The following SLC43A2 variants were observed in gnomAD, a reference collection of about 807,000 sequenced individuals.
SLC43A2 encodes large neutral amino acids transporter small subunit 4.
A neutral mutation model predicts 63.2 loss-of-function variants in SLC43A2; 38 were observed. The observed-to-expected ratio is 0.60, with a 90% CI of 0.46 to 0.79. The LOEUF is 0.79. Ranked by LOEUF, SLC43A2 falls within the 30% of genes least tolerant of loss-of-function variation. The pLI, the probability that SLC43A2 is intolerant of heterozygous loss-of-function variation, is 0.00. For missense variants in SLC43A2, 644 were observed against 756.2 expected, an observed-to-expected ratio of 0.85 and a Z score of 1.74; for synonymous variants, 322 against 331.0, an observed-to-expected ratio of 0.97 and a Z score of 0.30.
At position 1,627,840 on chromosome 17, in the gene SLC43A2, C is replaced by T. The variant is rs535314897; in HGVS notation, c.35G>A (p.Arg12His). ...CACGGCCGTGCAGGCCATCCACCAG[C>T]GGCGCCGATGGGCAGTGGCCAGGGT... ...APTLATAHRRRWWMACTAVLE... is the reference protein window; with the variant it reads ...APTLATAHRRHWWMACTAVLE... The change falls in exon 2 of 14, where the codon CGC (arginine) becomes CAC (histidine). Residue 12 changes from arginine to histidine, a missense_variant. Physicochemically the swap from Arg to His is conservative, Grantham distance 29. Coordinates refer to ENST00000301335, the MANE Select transcript of SLC43A2 (RefSeq NM_152346.3). 2 of 1,588,032 alleles carry T rather than the reference C, an allele frequency of 1.3e-6. No homozygotes were observed. The highest frequency in any genetic ancestry group is 1.1e-5 in the South Asian group (1 of 87,592).
At chr17:1,624,959 C>G (rs1048432643) in intron 2 of SLC43A2, among the ~76,000 whole-genome samples, 7 of 152,086 alleles carry the variant, frequency 4.6e-5, no homozygotes, top group Admixed American at 3.3e-4. Context: ...CCTGTTGAAG[C>G]GGGGGCCACT....
chr17:1,576,643 G>C lies in SLC43A2; in HGVS notation c.1502C>G (p.Pro501Arg), dbSNP rs1373882267. The C allele has an allele frequency of 3.7e-6, 6 of 1,610,740 alleles. No individual in the cohort carries two copies. The highest frequency in any genetic ancestry group is 4.2e-6 in the Non-Finnish European group (5 of 1,179,960). ...AGGACCCATCATGGCCAGAAACAGC[G>C]GCTGCTGCAGAAGGGCGAAGAGCGC... is the stretch of plus-strand genomic sequence containing the variant. ...ISALFALLQQ[P>R]LFLAMMGPLQ... The change falls in exon 13 of 14, where the codon CCG (proline) becomes CGG (arginine). Residue 501 changes from proline to arginine, a missense_variant. Pro to Arg is a moderately radical substitution (Grantham distance 103, BLOSUM62 -2). Around this residue, in one of 3 missense-constraint regions of SLC43A2, gnomAD observed 105 missense variants for 101.7 expected, o/e 1.03. Transcript: ENST00000301335.
chr17:1,609,904 A>G (rs1906943646), intron 5 of SLC43A2, among the ~76,000 whole-genome samples: 1 of 151,850 alleles, frequency 6.6e-6, no homozygotes, highest in Admixed American at 6.6e-5. Flanking sequence ...TGATGAAGAC[A>G]GGCTGATAGA....
intron 2 of SLC43A2, 113 bp downstream of exon 2, chr17:1,627,602 C>T (rs1908772890): frequency 2.7e-6 from 3 of 1,106,966 alleles, no homozygotes; most frequent in Non-Finnish European, 3.8e-6. Context: ...TTCTGATACC[C>T]TAGAGGCACT....
chr17:1,578,475 G>A lies in SLC43A2; in HGVS notation c.1351-152C>T. On this transcript the variant is annotated intron_variant, in intron 11 of 13. Coordinates refer to ENST00000301335, the MANE Select transcript of SLC43A2 (RefSeq NM_152346.3). This position sits in a 1 kb window ranked among gnomAD's most constrained non-coding sequence, Gnocchi z 6.5. ...CTCCGGAGCCAATTGTGAATTTTCA[G>A]AAATTTTGCAAGCCAGTCGTTAACA... 1 of 631,086 alleles carries A rather than the reference G, an allele frequency of 1.6e-6. No homozygotes were observed. Among genetic ancestry groups the A allele is most frequent in the Non-Finnish European group, 2.7e-6 (1 of 375,034 alleles). 39.1% of individuals were successfully genotyped at this position (631,086 alleles called of 1,614,324 possible).
intron 3 of SLC43A2, 162 bp downstream of exon 3, chr17:1,616,400 G>C: frequency 1.5e-6 from 1 of 686,496 alleles, no homozygotes; most frequent in Non-Finnish European, 2.4e-6. Context: ...CACAGTACCT[G>C]CTGATTCGGT....
intron 2 of SLC43A2, among the ~76,000 whole-genome samples, chr17:1,621,088 AG>A (rs1257038275): frequency 6.6e-6 from 1 of 152,174 alleles, no homozygotes; most frequent in Non-Finnish European, 1.5e-5. Flanking sequence ...TGCCAAGAAC[AG>A]GAACAGGGCT....
At position 1,577,321 on chromosome 17, in the gene SLC43A2, A is replaced by G. The variant is rs1212062446; in HGVS notation, c.1425-601T>C. ...AGCGGGGACCTGCGGTTTGGGAAAC[A>G]GGCCCAGAGAGGAGTGTGGAGGCTG... On this transcript the variant is annotated intron_variant, in intron 12 of 13. Transcript: ENST00000301335. This position sits in a 1 kb window ranked among gnomAD's most constrained non-coding sequence, Gnocchi z 4.9. 6.6e-6 allele frequency among the ~76,000 whole-genome samples: 1 copy of G among 152,236 alleles called. No homozygotes were observed. The highest frequency in any genetic ancestry group is 2.4e-5 in the African/African-American group (1 of 41,472).
At position 1,575,597 on chromosome 17, in the gene SLC43A2, G is replaced by C. The variant is rs201455100; in HGVS notation, c.*7C>G. 1.2e-6 allele frequency: 2 copies of C among 1,613,598 alleles called. No individual in the cohort carries two copies. Among genetic ancestry groups the C allele is most frequent in the South Asian group, 1.1e-5 (1 of 91,080 alleles). ...GGCAGGAGACCGCAGTTCCGAGGCG[G>C]CAGCCACTACACGAAGGCCTCCTGG... On this transcript the variant is annotated 3_prime_UTR_variant, in exon 14 of 14. Transcript: ENST00000301335.
At chr17:1,587,229 G>C (rs558560453) in intron 9 of SLC43A2, among the ~76,000 whole-genome samples, 1 of 152,296 alleles carries the variant, frequency 6.6e-6, no homozygotes, top group South Asian at 2.1e-4. Context: ...TGCTGGTGCC[G>C]GGTCACAGGC....
chr17:1,625,260 T>C (rs1908565219), intron 2 of SLC43A2, among the ~76,000 whole-genome samples: 1 of 152,194 alleles, frequency 6.6e-6, no homozygotes, highest in South Asian at 2.1e-4. Context: ...AGCTGTTTCC[T>C]TCCTTCTGCC....
chr17:1,599,201 G>GTCA (rs1905642437), intron 5 of SLC43A2, among the ~76,000 whole-genome samples: 1 of 151,980 alleles, frequency 6.6e-6, no homozygotes, highest in Non-Finnish European at 1.5e-5. Flanking sequence ...TTAGCCGGGT[G>GTCA]TGGCGGCGTG....
chr17:1,621,725 C>A (rs1452380925), intron 2 of SLC43A2, among the ~76,000 whole-genome samples: 1 of 152,190 alleles, frequency 6.6e-6, no homozygotes, highest in Non-Finnish European at 1.5e-5. Flanking sequence ...GAGGGATGCT[C>A]AGAGCAGGTA....
intron 3 of SLC43A2, 54 bp downstream of exon 3, chr17:1,616,508 C>G: frequency 6.5e-7 from 1 of 1,530,624 alleles, no homozygotes; most frequent in South Asian, 1.2e-5. Flanking sequence ...GTGGGGAACT[C>G]AGCCCAGGGG....
intron 9 of SLC43A2, chr17:1,586,929 C>CT: frequency 9.1e-6 from 6 of 657,344 alleles, no homozygotes; most frequent in Admixed American, 2.7e-5. Flanking sequence ...CCCTGACAAT[C>CT]CCCCCCACCC....
chr17:1,616,765 A>G lies in SLC43A2; in HGVS notation c.165T>C (p.Asn55=). The G allele has an allele frequency of 1.9e-6, 3 of 1,613,748 alleles. No homozygotes were observed. The highest frequency in any genetic ancestry group is 2.2e-5 in the South Asian group (2 of 91,082). The change falls in exon 3 of 14, where the codon AAT becomes AAC. Residue 55 remains asparagine (N), a synonymous_variant. Coordinates refer to ENST00000301335, the MANE Select transcript of SLC43A2 (RefSeq NM_152346.3). Reference sequence around the variant, plus strand: ...TGCCGCCCACTGTGCCATTGGTGACATTCTCTGTGTGAAGAGGGAAGGAAA... The same window carrying G: ...TGCCGCCCACTGTGCCATTGGTGACGTTCTCTGTGTGAAGAGGGAAGGAAA... ...FYSYLCTEPE[N]VTNGTVGGTA...
chr17:1,586,936 A>ACC, intron 9 of SLC43A2: 4 of 501,654 alleles, frequency 8.0e-6, no homozygotes, highest in Middle Eastern at 3.1e-4. Context: ...AATCCCCCCC[A>ACC]CCCCCCGCTT....
At chr17:1,582,972 G>A (rs952950211) in intron 11 of SLC43A2, among the ~76,000 whole-genome samples, 2 of 152,078 alleles carry the variant, frequency 1.3e-5, no homozygotes, top group African/African-American at 2.4e-5. Flanking sequence ...CCAGCTACTC[G>A]GGAGGCTGAG....
chr17:1,576,161 G>T (rs1363937455), intron 13 of SLC43A2, among the ~76,000 whole-genome samples: 1 of 140,804 alleles, frequency 7.1e-6, no homozygotes, highest in East Asian at 2.1e-4. Context: ...TCAGCTCACT[G>T]CAATCTCCGC....
Sources: gnomAD v4.1 joint callset for allele counts (sites outside exome capture counted in the v4.1 genomes callset) on GRCh38, gnomAD v4.1.1 for gene constraint, gnomAD v4.1.1 regional missense constraint, Gnocchi (gnomAD v3.1) non-coding constraint, MANE v1.5 for transcripts, NCBI Gene and HGNC (gene_info 2026-07-23, HGNC 2026-07-21) for gene names.